The following KCNIP3 variants were observed in gnomAD, a reference collection of about 807,000 sequenced individuals.
KCNIP3 encodes the protein calsenilin.
In KCNIP3, 28 loss-of-function variants were observed where a neutral mutation model predicts 35.0. That is an observed-to-expected ratio of 0.80 (90% confidence interval 0.59 to 1.10). The LOEUF (loss-of-function observed/expected upper bound fraction) is 1.10. Ranked by LOEUF, KCNIP3 falls within the 50% of genes least tolerant of loss-of-function variation. The pLI, the probability that KCNIP3 is intolerant of heterozygous loss-of-function variation, is 0.00. For missense variants in KCNIP3, 295 were observed against 338.4 expected, an observed-to-expected ratio of 0.87 and a Z score of 1.01; for synonymous variants, 134 against 133.8, an observed-to-expected ratio of 1.00 and a Z score of -0.01.
At chr2:95,324,687 C>T (rs528841348) in intron 2 of KCNIP3, among the ~76,000 whole-genome samples, 4 of 151,756 alleles carry the variant, frequency 2.6e-5, no homozygotes, top group Non-Finnish European at 5.9e-5. Context: ...CCAAGGTGGG[C>T]GAATCACAAG....
intron 1 of KCNIP3, among the ~76,000 whole-genome samples, chr2:95,305,322 G>T (rs779761639): frequency 3.3e-5 from 5 of 152,144 alleles, no homozygotes; most frequent in Non-Finnish European, 4.4e-5. Flanking sequence ...AGTATTTTTT[G>T]ATGGAAATCT....
At chr2:95,310,280 AG>A in intron 1 of KCNIP3, 74 bp from the exon 2 acceptor site, 1 of 1,568,350 alleles carries the variant, frequency 6.4e-7, no homozygotes. Flanking sequence ...CTAGGATATC[AG>A]GGCAGCTCGG....
intron 2 of KCNIP3, among the ~76,000 whole-genome samples, chr2:95,335,874 T>C (rs549654625): frequency 3.3e-5 from 5 of 152,332 alleles, no homozygotes; most frequent in Admixed American, 3.3e-4. Context: ...TTCTGTTTTT[T>C]TCTTCCATTC....
In KCNIP3 at chr2:95,374,306, C is replaced by A; in HGVS notation, c.192C>A (p.Asp64Glu). The change falls in exon 3 of 9, where the codon GAC (aspartate) becomes GAA (glutamate). Residue 64 changes from aspartate to glutamate, a missense_variant. Physicochemically the swap from Asp to Glu is conservative, Grantham distance 45. Transcript: ENST00000295225. ...TGTGTCCCACTCCAGATAGCAGCGACAGTGAGCTGGAGCTGTCCACGGTGC... is the reference window on the plus strand; with the variant it reads ...TGTGTCCCACTCCAGATAGCAGCGAAAGTGAGCTGGAGCTGTCCACGGTGC... Reference protein sequence around the residue: ...STAPQGSDSSDSELELSTVRH... With the variant: ...STAPQGSDSSESELELSTVRH... The A allele has an allele frequency of 6.2e-7, 1 of 1,613,938 alleles. No individual in the cohort carries two copies. The highest frequency in any genetic ancestry group is 1.1e-5 in the South Asian group (1 of 91,054).
At chr2:95,340,449 G>A (rs1445466602) in intron 2 of KCNIP3, among the ~76,000 whole-genome samples, 1 of 152,210 alleles carries the variant, frequency 6.6e-6, no homozygotes, top group Admixed American at 6.5e-5. Flanking sequence ...AAAGAGGCCT[G>A]GGAAATGCAG....
chr2:95,384,204 A>ACACACACACG lies in KCNIP3; in HGVS notation c.*157_*158insCACACACGCA. 1 of 656,042 alleles carries ACACACACACG rather than the reference A, an allele frequency of 1.5e-6. No individual in the cohort carries two copies. The highest frequency in any genetic ancestry group is 1.8e-5 in the South Asian group (1 of 55,988). 40.6% of individuals were successfully genotyped at this position (656,042 alleles called of 1,614,324 possible). On this transcript the variant is annotated 3_prime_UTR_variant, in exon 9 of 9. Transcript: ENST00000295225. ...CACACACACACACACACACACACAC[A>ACACACACACG]CAGCCATTCATCTGGGCTGGCAGAG...
intron 2 of KCNIP3, among the ~76,000 whole-genome samples, chr2:95,315,852 C>A (rs773093307): frequency 1.3e-5 from 2 of 152,222 alleles, no homozygotes; most frequent in Non-Finnish European, 2.9e-5. Flanking sequence ...AGCCTCCCTG[C>A]GCCCTCCAGA....
chr2:95,350,089 G>A (rs746699235), intron 2 of KCNIP3, among the ~76,000 whole-genome samples: 13 of 152,164 alleles, frequency 8.5e-5, no homozygotes, highest in South Asian at 2.1e-4. Context: ...GGGGATCTGC[G>A]TTCCCAAAGT....
chr2:95,307,811 C>CA (rs1290415675), intron 1 of KCNIP3, among the ~76,000 whole-genome samples: 1 of 152,210 alleles, frequency 6.6e-6, no homozygotes, highest in Non-Finnish European at 1.5e-5. Flanking sequence ...GAGGCCGCCT[C>CA]AGTTTCTTCT....
chr2:95,302,738 A>T (rs995299344), intron 1 of KCNIP3, among the ~76,000 whole-genome samples: 7 of 152,146 alleles, frequency 4.6e-5, no homozygotes, highest in African/African-American at 7.2e-5. Flanking sequence ...TGCGGGATTC[A>T]TGTAACTGGT....
chr2:95,360,607 A>G (rs1251933196), intron 2 of KCNIP3, among the ~76,000 whole-genome samples: 1 of 152,202 alleles, frequency 6.6e-6, no homozygotes, highest in Non-Finnish European at 1.5e-5. Context: ...AATACCACAA[A>G]CAGGGTAATT....
chr2:95,374,346 G>A lies in KCNIP3; in HGVS notation c.232G>A (p.Gly78Arg). The part of the protein sequence containing the change: ...ELSTVRHQPE[G>R]LDQLQAQTKF... ...GTCCACGGTGCGCCACCAGCCAGAG[G>A]GGCTGGACCAGCTGCAGGCCCAGAC... is the stretch of plus-strand genomic sequence containing the variant. The change falls in exon 3 of 9, where the codon GGG (glycine) becomes AGG (arginine). Residue 78 changes from glycine to arginine, a missense_variant. By Grantham distance (125) the Gly-to-Arg change is moderately radical. Transcript: ENST00000295225. 6.2e-7 allele frequency: 1 copy of A among 1,614,082 alleles called. No homozygotes were observed. Among genetic ancestry groups the A allele is most frequent in the Non-Finnish European group, 8.5e-7 (1 of 1,179,936 alleles).
At chr2:95,366,478 AT>A (rs1679920381) in intron 2 of KCNIP3, among the ~76,000 whole-genome samples, 1 of 152,192 alleles carries the variant, frequency 6.6e-6, no homozygotes, top group Non-Finnish European at 1.5e-5. Context: ...GCAATTTTGA[AT>A]AAAATTGCTC....
At chr2:95,312,632 G>T (rs1678350608) in intron 2 of KCNIP3, 1 of 152,284 alleles carries the variant, frequency 6.6e-6, no homozygotes, top group Admixed American at 6.5e-5. Context: ...CTATTTGATT[G>T]TGCAAGGAAG....
intron 4 of KCNIP3, 95 bp from the exon 5 acceptor site, chr2:95,375,043 G>C: frequency 6.6e-7 from 1 of 1,519,142 alleles, no homozygotes; most frequent in East Asian, 2.3e-5. Flanking sequence ...TCCAAGCCAG[G>C]ACGCAGTTAG....
At chr2:95,306,256 C>T (rs1352263599) in intron 1 of KCNIP3, among the ~76,000 whole-genome samples, 1 of 152,252 alleles carries the variant, frequency 6.6e-6, no homozygotes, top group Non-Finnish European at 1.5e-5. Flanking sequence ...CGGCGAACAT[C>T]TCTTCCCGCC....
chr2:95,347,891 C>T (rs1439395311), intron 2 of KCNIP3, among the ~76,000 whole-genome samples: 3 of 152,246 alleles, frequency 2.0e-5, no homozygotes, highest in African/African-American at 7.2e-5. Flanking sequence ...CCTTGCCGGG[C>T]TCCAACTCTC....
At chr2:95,300,939 C>T (rs1420670348) in intron 1 of KCNIP3, among the ~76,000 whole-genome samples, 1 of 152,216 alleles carries the variant, frequency 6.6e-6, no homozygotes, top group African/African-American at 2.4e-5. Context: ...TTTCTGGCCT[C>T]ACCTCCCAGC....
At chr2:95,327,529 C>T (rs1167270031) in intron 2 of KCNIP3, among the ~76,000 whole-genome samples, 1 of 152,196 alleles carries the variant, frequency 6.6e-6, no homozygotes, top group African/African-American at 2.4e-5. Flanking sequence ...TCATTTGTAG[C>T]CACAGTTGAT....
Sources: allele counts gnomAD v4.1 joint callset (sites outside exome capture counted in the v4.1 genomes callset), GRCh38; gene constraint gnomAD v4.1.1; transcripts MANE v1.5; gene names NCBI Gene and HGNC (gene_info 2026-07-23, HGNC 2026-07-21).